The following DIXDC1 variants were observed in gnomAD, a reference collection of about 807,000 sequenced individuals.
DIXDC1 encodes the protein DIX domain containing 1.
Under a neutral mutation model 103.1 loss-of-function variants are expected in DIXDC1, and 64 were observed. The observed-to-expected ratio is 0.62, with a 90% CI of 0.51 to 0.76. The LOEUF is 0.76. Ranked by LOEUF, DIXDC1 falls within the 30% of genes least tolerant of loss-of-function variation. The pLI, the probability that DIXDC1 is intolerant of heterozygous loss-of-function variation, is 0.00. For missense variants in DIXDC1, 759 were observed against 834.2 expected (o/e 0.91, Z 1.11); for synonymous variants, 266 against 298.5 (o/e 0.89, Z 1.12).
intron 1 of DIXDC1, 70 bp downstream of exon 1, chr11:111,937,629 G>T (rs1429815137): frequency 9.5e-6 from 14 of 1,476,170 alleles, no homozygotes; most frequent in South Asian, 6.1e-5. Flanking sequence ...TCCGGAAGGG[G>T]TCCTCCTCCT....
chr11:112,002,033 A>C (rs1420354384), intron 17 of DIXDC1, among the ~76,000 whole-genome samples: 2 of 152,114 alleles, frequency 1.3e-5, no homozygotes, highest in African/African-American at 4.8e-5. Context: ...TTGGGATTAC[A>C]GGGGTGAGCC....
At chr11:111,965,998 G>A (rs587719183) in intron 2 of DIXDC1, among the ~76,000 whole-genome samples, 1 of 152,214 alleles carries the variant, frequency 6.6e-6, no homozygotes. Flanking sequence ...ATGTACAAAA[G>A]GATGTAAGAT....
chr11:111,929,735 TG>T, intron 1 of DIXDC1: 1 of 822,742 alleles, frequency 1.2e-6, no homozygotes, highest in Non-Finnish European at 1.9e-6. Flanking sequence ...GGGAGGGGTC[TG>T]GCCCCAACTC....
chr11:111,981,591 C>G (rs1860308090), intron 6 of DIXDC1, among the ~76,000 whole-genome samples: 1 of 152,206 alleles, frequency 6.6e-6, no homozygotes, highest in South Asian at 2.1e-4. Context: ...GAGTGCCGCT[C>G]TGGGCCAGGC....
chr11:112,004,173 T>C (rs2137612316), intron 17 of DIXDC1, among the ~76,000 whole-genome samples: 1 of 151,718 alleles, frequency 6.6e-6, no homozygotes, highest in East Asian at 1.9e-4. Context: ...TACGTAGAAC[T>C]GATATGTATC....
intron 1 of DIXDC1, among the ~76,000 whole-genome samples, chr11:111,948,789 C>T (rs1555169600): frequency 6.6e-6 from 1 of 151,952 alleles, no homozygotes; most frequent in South Asian, 2.1e-4. Context: ...TGCATTTGAA[C>T]TCCTTCAGCT....
In DIXDC1 at chr11:111,992,989, C is replaced by T. The variant is rs1555174722; in HGVS notation, c.1257C>T (p.Leu419=). The T allele has an allele frequency of 1.9e-6, 3 of 1,606,508 alleles. No individual in the cohort carries two copies. Among genetic ancestry groups the T allele is most frequent in the Middle Eastern group, 1.7e-4 (1 of 6,054 alleles). The change falls in exon 12 of 20, where the codon CTC becomes CTT. Residue 419 remains leucine, a synonymous_variant. Transcript: ENST00000440460. ...GGAAGCTAGATGAGAGGAACCGGCT[C>T]TTGGGAGAATATAAAGTAAGAATGA... ...LQRKLDERNR[L]LGEYKKELGQ...
intron 1 of DIXDC1, among the ~76,000 whole-genome samples, chr11:111,963,320 C>T (rs1859634939): frequency 6.6e-6 from 1 of 152,200 alleles, no homozygotes; most frequent in African/African-American, 2.4e-5. Context: ...TAGATTCCTC[C>T]TCCCACCTCC....
intron 2 of DIXDC1, among the ~76,000 whole-genome samples, chr11:111,967,336 A>G (rs1555171666): frequency 6.6e-6 from 1 of 152,230 alleles, no homozygotes; most frequent in South Asian, 2.1e-4. Context: ...AACACACTGC[A>G]TTATCATTTG....
chr11:111,953,727 G>A (rs781962877), intron 1 of DIXDC1, among the ~76,000 whole-genome samples: 1 of 152,140 alleles, frequency 6.6e-6, no homozygotes, highest in Non-Finnish European at 1.5e-5. Flanking sequence ...TATTATAAAT[G>A]AATAATATAA....
At chr11:111,943,487 C>CTTTTTTTTTT (rs1161024928) in intron 1 of DIXDC1, among the ~76,000 whole-genome samples, 421 of 113,466 alleles carry the variant, frequency 3.7e-3, no homozygotes, top group African/African-American at 8.1e-3. Context: ...TTCTTTCTCT[C>CTTTTTTTTTT]TTTTTTTTTT....
intron 11 of DIXDC1, 27 bp from the exon 12 acceptor site, chr11:111,992,924 G>A (rs1555174709): frequency 6.3e-7 from 1 of 1,595,454 alleles, no homozygotes; most frequent in Non-Finnish European, 8.5e-7. Flanking sequence ...GTACCTGCGT[G>A]CCATGAATTC....
chr11:111,939,540 C>T (rs1966348192), intron 1 of DIXDC1, among the ~76,000 whole-genome samples: 1 of 152,168 alleles, frequency 6.6e-6, no homozygotes, highest in Admixed American at 6.5e-5. Flanking sequence ...AGCTAGTGTA[C>T]GTCTGTTCCT....
At chr11:112,002,786 C>G (rs1861110002) in intron 17 of DIXDC1, among the ~76,000 whole-genome samples, 1 of 152,032 alleles carries the variant, frequency 6.6e-6, no homozygotes, top group Non-Finnish European at 1.5e-5. Flanking sequence ...AAAAACAAAA[C>G]AAAACACCAA....
intron 6 of DIXDC1, among the ~76,000 whole-genome samples, chr11:111,981,247 C>G (rs1336242036): frequency 6.6e-6 from 1 of 152,138 alleles, no homozygotes; most frequent in African/African-American, 2.4e-5. Context: ...TCTGTGAGGG[C>G]ACAGAGAATA....
intron 1 of DIXDC1, among the ~76,000 whole-genome samples, chr11:111,956,075 A>G (rs975689901): frequency 1.3e-5 from 2 of 151,916 alleles, no homozygotes; most frequent in Admixed American, 1.3e-4. Context: ...CACATGCTAC[A>G]ACATGGATGA....
At chr11:111,950,434 ATATATTTTTTTTTTTTT>A (rs1418213957) in intron 1 of DIXDC1, among the ~76,000 whole-genome samples, 10 of 21,564 alleles carry the variant, frequency 4.6e-4, no homozygotes, top group African/African-American at 2.7e-3. Flanking sequence ...ATATATATAT[ATATATTTTTTTTTTTTT>A]TTTTTTTTTT....
intron 1 of DIXDC1, among the ~76,000 whole-genome samples, chr11:111,963,294 G>C (rs1309875944): frequency 6.6e-6 from 1 of 152,168 alleles, no homozygotes; most frequent in Non-Finnish European, 1.5e-5. Context: ...GTTCATGATA[G>C]GTGCTCAATA....
At chr11:112,005,588 C>CT (rs1861209886) in intron 17 of DIXDC1, among the ~76,000 whole-genome samples, 1 of 151,870 alleles carries the variant, frequency 6.6e-6, no homozygotes, top group African/African-American at 2.4e-5. Context: ...GTCCTAGCTA[C>CT]TTGGGAGGCT....
Sources: allele counts gnomAD v4.1 joint callset (sites outside exome capture counted in the v4.1 genomes callset), GRCh38; gene constraint gnomAD v4.1.1; transcripts MANE v1.5; gene names NCBI Gene and HGNC (gene_info 2026-07-23, HGNC 2026-07-21).